Variants in TSC22D1 observed in about 807,000 individuals in gnomAD.
TSC22D1 encodes TSC22 domain family protein 1.
A neutral mutation model predicts 74.2 loss-of-function variants in TSC22D1; 9 were observed. The ratio of observed to expected loss-of-function variants is 0.12; its 90% CI spans 0.07 to 0.21. The LOEUF is 0.21. Among genes scored for constraint, TSC22D1 ranks in the 10% least tolerant of loss-of-function variants. TSC22D1 has a pLI of 1.00. For missense variants in TSC22D1, 1,427 were observed against 1,304.7 expected, an observed-to-expected ratio of 1.09 and a Z score of -1.44; for synonymous variants, 586 against 492.5, an observed-to-expected ratio of 1.19 and a Z score of -2.51.
intron 1 of TSC22D1, among the ~76,000 whole-genome samples, chr13:44,440,254 G>A (rs1412561393): frequency 6.6e-6 from 1 of 152,184 alleles, no homozygotes; most frequent in African/African-American, 2.4e-5. Flanking sequence ...TCCACAGAAA[G>A]GCTGGTTGGA....
chr13:44,529,251 T>C (rs577901997), intron 1 of TSC22D1, among the ~76,000 whole-genome samples: 3 of 152,204 alleles, frequency 2.0e-5, no homozygotes, highest in South Asian at 2.1e-4. Context: ...TTTTTCCATA[T>C]ATACGAGGCT....
At chr13:44,505,031 A>G (rs1044361582) in intron 1 of TSC22D1, among the ~76,000 whole-genome samples, 3 of 152,208 alleles carry the variant, frequency 2.0e-5, no homozygotes, top group African/African-American at 7.2e-5. Flanking sequence ...ATTTTTGCCT[A>G]ATGTGAATCG....
At chr13:44,444,278 CAAAAAAAAAAAAAAAA>C (rs71070905) in intron 1 of TSC22D1, among the ~76,000 whole-genome samples, 4 of 17,582 alleles carry the variant, frequency 2.3e-4, no homozygotes, top group Non-Finnish European at 2.9e-4. Context: ...GACTCTGTCT[CAAAAAAAAAAAAAAAA>C]AAAAAAAAAA....
intron 1 of TSC22D1, among the ~76,000 whole-genome samples, chr13:44,474,611 C>T (rs1265286385): frequency 6.6e-6 from 1 of 151,504 alleles, no homozygotes; most frequent in Non-Finnish European, 1.5e-5. Flanking sequence ...TTTTGACACA[C>T]TTATGTCAGA....
intron 1 of TSC22D1, chr13:44,538,048 T>C (rs1881253895): frequency 2.0e-6 from 2 of 985,190 alleles, no homozygotes; most frequent in Non-Finnish European, 1.2e-6. Flanking sequence ...TTCAATCAAT[T>C]AATTGACAGC....
chr13:44,440,036 G>A (rs1038890419), intron 1 of TSC22D1, among the ~76,000 whole-genome samples: 2 of 152,122 alleles, frequency 1.3e-5, no homozygotes, highest in Non-Finnish European at 2.9e-5. Flanking sequence ...GGACTCCCAC[G>A]TCACCTCCAT....
At chr13:44,472,296 T>C (rs17210696) in intron 1 of TSC22D1, among the ~76,000 whole-genome samples, 11,539 of 152,278 alleles carry the variant, frequency 0.076, 562 homozygotes, top group Non-Finnish European at 0.1. Context: ...TTTTCTGTTA[T>C]ACAGCATCCT....
Position 44,575,460 on chromosome 13 carries a change from TGGAAGGTGAGGCAAATGAGGCTGA to T in TSC22D1, c.591_614del (p.Pro199_Gln206del), listed in dbSNP as rs763139313. 18 of 1,613,974 alleles carry T rather than the reference TGGAAGGTGAGGCAAATGAGGCTGA, an allele frequency of 1.1e-5. 1 individual carries two copies. In the African/African-American group the frequency reaches 2.1e-4, roughly 19 times the overall value. On this transcript the variant is annotated inframe_deletion, in exon 1 of 3. Coordinates refer to ENST00000458659, the MANE Select transcript of TSC22D1 (RefSeq NM_183422.4). ...TCCCATTGATCACAACATTCTGTTGTGGAAGGTGAGGCAAATGAGGCTGAGGAAGGTGGGGCTGGTTGGGAGAGA... is the reference window on the plus strand; with the variant it reads ...TCCCATTGATCACAACATTCTGTTGTGGAAGGTGGGGCTGGTTGGGAGAGA...
intron 1 of TSC22D1, among the ~76,000 whole-genome samples, chr13:44,531,943 T>C (rs374558537): frequency 6.6e-6 from 1 of 152,194 alleles, no homozygotes; most frequent in African/African-American, 2.4e-5. Flanking sequence ...TTCCACTAAT[T>C]TTAATTATGT....
intron 1 of TSC22D1, among the ~76,000 whole-genome samples, chr13:44,534,739 T>C (rs900669760): frequency 3.9e-5 from 6 of 152,206 alleles, no homozygotes; most frequent in African/African-American, 1.4e-4. Flanking sequence ...AATTCCTTAA[T>C]TTCTCAAACC....
chr13:44,510,369 G>A (rs935760033), intron 1 of TSC22D1, among the ~76,000 whole-genome samples: 32 of 151,934 alleles, frequency 2.1e-4, no homozygotes, highest in African/African-American at 7.7e-4. Flanking sequence ...TCCAGCAGGA[G>A]CAACAAGAGT....
intron 1 of TSC22D1, chr13:44,452,608 C>T (rs929577925): frequency 3.9e-5 from 6 of 153,234 alleles, no homozygotes; most frequent in African/African-American, 1.4e-4. Flanking sequence ...TGGCTACACT[C>T]TAGGGACGTC....
chr13:44,516,892 G>A (rs931238246), intron 1 of TSC22D1, among the ~76,000 whole-genome samples: 5 of 152,146 alleles, frequency 3.3e-5, no homozygotes, highest in East Asian at 3.8e-4. Context: ...CTATAAGATG[G>A]AGGAAGAAAG....
chr13:44,522,425 C>T (rs1880360859), intron 1 of TSC22D1, among the ~76,000 whole-genome samples: 1 of 152,096 alleles, frequency 6.6e-6, no homozygotes, highest in Non-Finnish European at 1.5e-5. Flanking sequence ...GTGAATAAAA[C>T]AGGGATCAAC....
At chr13:44,494,486 A>C (rs1375954596) in intron 1 of TSC22D1, among the ~76,000 whole-genome samples, 2 of 145,306 alleles carry the variant, frequency 1.4e-5, no homozygotes, top group Admixed American at 7.0e-5. Flanking sequence ...TGAGCCTGGG[A>C]GGTCAAGGCT....
intron 1 of TSC22D1, among the ~76,000 whole-genome samples, chr13:44,453,853 G>A (rs890279675): frequency 5.9e-5 from 9 of 152,150 alleles, no homozygotes; most frequent in Admixed American, 2.0e-4. Flanking sequence ...GCTCCTAATT[G>A]AAGATGCTTC....
At chr13:44,462,078 G>A (rs917680987) in intron 1 of TSC22D1, among the ~76,000 whole-genome samples, 2 of 152,090 alleles carry the variant, frequency 1.3e-5, no homozygotes, top group African/African-American at 4.8e-5. Context: ...TTTAAAAGAC[G>A]CCAGGTAATC....
intron 1 of TSC22D1, among the ~76,000 whole-genome samples, chr13:44,550,179 T>C (rs996290343): frequency 1.3e-5 from 2 of 152,214 alleles, no homozygotes; most frequent in Non-Finnish European, 2.9e-5. Flanking sequence ...CTAGTTAACA[T>C]TGTAATAACT....
intron 1 of TSC22D1, among the ~76,000 whole-genome samples, chr13:44,499,477 T>C (rs1275992851): frequency 6.6e-6 from 1 of 152,206 alleles, no homozygotes; most frequent in Non-Finnish European, 1.5e-5. Flanking sequence ...TTAATGAGGT[T>C]AGTTTTACTC....
Sources: allele counts gnomAD v4.1 joint callset (sites outside exome capture counted in the v4.1 genomes callset), GRCh38; gene constraint gnomAD v4.1.1; transcripts MANE v1.5; gene names NCBI Gene and HGNC (gene_info 2026-07-23, HGNC 2026-07-21).